Variants in LYZL4 observed in about 807,000 individuals in gnomAD.
LYZL4 encodes lysozyme like 4.
LYZL4 carries 13 observed loss-of-function variants against 17.6 expected under a neutral mutation model. The ratio of observed to expected loss-of-function variants is 0.74; its 90% CI spans 0.48 to 1.18. The LOEUF (loss-of-function observed/expected upper bound fraction) is 1.18, where lower values mean the gene tolerates loss of function less well. LYZL4 is among the 50% of genes most tolerant of loss of function. The probability of loss-of-function intolerance (pLI) is 0.00; values close to 1 mark genes in which losing one functional copy is unlikely to be tolerated. For missense variants in LYZL4, 174 were observed against 188.2 expected (o/e 0.92, Z 0.44); for synonymous variants, 64 against 67.7 (o/e 0.95, Z 0.27).
chr3:42,368,115 T>C, the LYZL4 span, among the ~76,000 whole-genome samples: 4 of 139,510 alleles, frequency 2.9e-5, no homozygotes, highest in Non-Finnish European at 4.4e-5. Context: ...GCAGCCTGAG[T>C]TCCAGACACT....
chr3:42,361,839 C>A, the LYZL4 span, among the ~76,000 whole-genome samples: 2 of 152,336 alleles, frequency 1.3e-5, no homozygotes, highest in Admixed American at 1.3e-4. Flanking sequence ...CCCACAAATA[C>A]ACGACCTCTC....
chr3:42,377,825 A>C, the LYZL4 span, among the ~76,000 whole-genome samples: 1 of 152,202 alleles, frequency 6.6e-6, no homozygotes, highest in Non-Finnish European at 1.5e-5. Flanking sequence ...AATCACTTCA[A>C]CCATAATTCC....
chr3:42,389,229 C>A, the LYZL4 span, among the ~76,000 whole-genome samples: 1 of 152,286 alleles, frequency 6.6e-6, no homozygotes, highest in East Asian at 1.9e-4. Flanking sequence ...AGGGAGGTAA[C>A]AGACATTCTT....
At chr3:42,392,180 A>G (rs1170257547), downstream of LYZL4, among the ~76,000 whole-genome samples, 1 of 152,168 alleles carries the variant, frequency 6.6e-6, no homozygotes, top group Non-Finnish European at 1.5e-5. Flanking sequence ...CCTATCAGTG[A>G]GACAAGGCAA....
At chr3:42,373,468 G>T in the LYZL4 span, among the ~76,000 whole-genome samples, 1 of 152,086 alleles carries the variant, frequency 6.6e-6, no homozygotes, top group Non-Finnish European at 1.5e-5. Flanking sequence ...AAACACAAGG[G>T]TTACTATTTC....
the LYZL4 span, among the ~76,000 whole-genome samples, chr3:42,363,261 T>G: frequency 1.3e-5 from 2 of 152,196 alleles, no homozygotes; most frequent in African/African-American, 4.8e-5. Flanking sequence ...AACACATTTT[T>G]GGGGAACAGT....
chr3:42,374,200 G>A, the LYZL4 span, among the ~76,000 whole-genome samples: 3 of 152,120 alleles, frequency 2.0e-5, no homozygotes, highest in Non-Finnish European at 4.4e-5. Flanking sequence ...TGAAAGCTCA[G>A]GAATTAAGGT....
At chr3:42,390,036 C>T in the LYZL4 span, among the ~76,000 whole-genome samples, 3 of 152,230 alleles carry the variant, frequency 2.0e-5, no homozygotes, top group South Asian at 6.2e-4. Context: ...TTAAAAAAGA[C>T]CACTGGTTGT....
At chr3:42,388,314 G>C in the LYZL4 span, among the ~76,000 whole-genome samples, 1 of 152,174 alleles carries the variant, frequency 6.6e-6, no homozygotes, top group Non-Finnish European at 1.5e-5. Context: ...AAGCACGCCT[G>C]GATTTTATCC....
At chr3:42,393,950 C>T (rs1698520202), downstream of LYZL4, among the ~76,000 whole-genome samples, 1 of 152,146 alleles carries the variant, frequency 6.6e-6, no homozygotes, top group Admixed American at 6.5e-5. Context: ...CACCACCATA[C>T]CCAGCTAATT....
the LYZL4 span, among the ~76,000 whole-genome samples, chr3:42,365,299 A>G: frequency 3.9e-5 from 6 of 152,246 alleles, no homozygotes; most frequent in Non-Finnish European, 8.8e-5. Context: ...GTGTATAGAA[A>G]AATATCTTAA....
downstream of LYZL4, among the ~76,000 whole-genome samples, chr3:42,393,965 G>A (rs1057013327): frequency 6.6e-6 from 1 of 152,098 alleles, no homozygotes; most frequent in African/African-American, 2.4e-5. Flanking sequence ...CTAATTTTTT[G>A]TATTTTTAGT....
At chr3:42,388,932 T>G in the LYZL4 span, among the ~76,000 whole-genome samples, 2 of 152,100 alleles carry the variant, frequency 1.3e-5, no homozygotes, top group Admixed American at 1.3e-4. Context: ...TGCGAGGCAT[T>G]GGAGAGCCCC....
At chr3:42,363,807 A>G in the LYZL4 span, among the ~76,000 whole-genome samples, 34 of 152,356 alleles carry the variant, frequency 2.2e-4, no homozygotes, top group Middle Eastern at 3.4e-3. Context: ...CAATCATCAG[A>G]TGAATGGTTG....
At chr3:42,395,504 C>T (rs1698538029), downstream of LYZL4, among the ~76,000 whole-genome samples, 1 of 152,144 alleles carries the variant, frequency 6.6e-6, no homozygotes, top group African/African-American at 2.4e-5. Flanking sequence ...AAAATGTGCA[C>T]ACACACGAAA....
chr3:42,400,300 A>G (rs1222742352), intron 4 of LYZL4, among the ~76,000 whole-genome samples: 1 of 152,096 alleles, frequency 6.6e-6, no homozygotes, highest in Non-Finnish European at 1.5e-5. Flanking sequence ...CTTCTACATA[A>G]CCACAGCACA....
the LYZL4 span, among the ~76,000 whole-genome samples, chr3:42,365,542 C>G: frequency 6.6e-6 from 1 of 152,148 alleles, no homozygotes; most frequent in Non-Finnish European, 1.5e-5. Flanking sequence ...GGCTAGAGTG[C>G]AAATCGGCAA....
Position 42,407,176 on chromosome 3 carries a change from TGCAAC to T in LYZL4, c.71_75del (p.Arg24HisfsTer4). On this transcript the variant is annotated frameshift_variant, in exon 2 of 5. Coordinates refer to ENST00000287748, the MANE Select transcript of LYZL4 (RefSeq NM_144634.4). LOFTEE classifies it high-confidence loss of function. The stretch of plus-strand genomic sequence containing the variant: ...CCATCGTGGAGTTTCTTAGCCACTG[TGCAAC>T]GCCCCAAGATGTAAGCACCACTTGG... The T allele has an allele frequency of 6.2e-7, 1 of 1,614,188 alleles. No individual in the cohort carries two copies. Among genetic ancestry groups the T allele is most frequent in the Non-Finnish European group, 8.5e-7 (1 of 1,180,038 alleles).
chr3:42,402,161 C>T (rs1042198613), intron 4 of LYZL4, among the ~76,000 whole-genome samples: 8 of 144,388 alleles, frequency 5.5e-5, no homozygotes, highest in Admixed American at 3.4e-4. Context: ...AAAAAAAGAG[C>T]CAGGCATGGT....
Sources: allele counts gnomAD v4.1 joint callset (sites outside exome capture counted in the v4.1 genomes callset), GRCh38; gene constraint gnomAD v4.1.1; transcripts MANE v1.5; gene names NCBI Gene and HGNC (gene_info 2026-07-23, HGNC 2026-07-21).